Variants in SDK1 observed in about 807,000 individuals in gnomAD.
SDK1 encodes protein sidekick-1.
In SDK1, 157 loss-of-function variants were observed where a neutral mutation model predicts 245.5. The observed-to-expected ratio is 0.64, with a 90% CI of 0.56 to 0.73. The LOEUF (loss-of-function observed/expected upper bound fraction) is 0.73, where lower values mean the gene tolerates loss of function less well. Ranked by LOEUF, SDK1 falls within the 30% of genes least tolerant of loss-of-function variation. The pLI, the probability that SDK1 is intolerant of heterozygous loss-of-function variation, is 0.00. For missense variants in SDK1, 3,583 were observed against 3,002.3 expected (o/e 1.19, Z -4.52); for synonymous variants, 1,647 against 1,278.5 (o/e 1.29, Z -6.15).
chr7:3,969,869 A>G (rs1770777485), intron 11 of SDK1, among the ~76,000 whole-genome samples: 1 of 152,264 alleles, frequency 6.6e-6, no homozygotes, highest in Non-Finnish European at 1.5e-5. Flanking sequence ...GTGAACTGAA[A>G]GAAAATCTTC....
intron 5 of SDK1, among the ~76,000 whole-genome samples, chr7:3,858,132 T>A (rs1318837140): frequency 6.6e-6 from 1 of 152,208 alleles, no homozygotes; most frequent in Non-Finnish European, 1.5e-5. Flanking sequence ...TACAATGGAT[T>A]AGTTAAGGAT....
rs1583884853 is a variant in SDK1 at position 3,456,667 on chromosome 7, T to A, written c.298+154783T>A. 2.0e-5 allele frequency among the ~76,000 whole-genome samples: 3 copies of A among 152,344 alleles called. No individual in the cohort carries two copies. In the South Asian group the frequency reaches 6.2e-4, roughly 32 times the overall value. On this transcript the variant is annotated intron_variant, in intron 1 of 44. Transcript: ENST00000404826. ...TTTGTGATGGCTGCTTTAAAATCCT[T>A]GTCAGATAATTCCAACATATGTCTC... is the stretch of plus-strand genomic sequence containing the variant.
At chr7:3,652,059 T>C (rs1783028831) in intron 4 of SDK1, among the ~76,000 whole-genome samples, 1 of 152,212 alleles carries the variant, frequency 6.6e-6, no homozygotes, top group Non-Finnish European at 1.5e-5. Context: ...AATATTGGCC[T>C]CCGTTTTATG....
rs954405493 is a variant in SDK1 at position 3,505,624 on chromosome 7, A to G, written c.299-113456A>G. 3.3e-5 allele frequency among the ~76,000 whole-genome samples: 5 copies of G among 152,184 alleles called. No individual in the cohort carries two copies. In the East Asian group the frequency reaches 9.6e-4, roughly 29 times the overall value. On this transcript the variant is annotated intron_variant, in intron 1 of 44. Transcript: ENST00000404826. ...AATAGTATATAGTTGGCCCTTGAAAACATGGGTTTGAATTGCATGGGTCCA... is the reference window on the plus strand; with the variant it reads ...AATAGTATATAGTTGGCCCTTGAAAGCATGGGTTTGAATTGCATGGGTCCA...
intron 1 of SDK1, among the ~76,000 whole-genome samples, chr7:3,305,390 G>T (rs1037822024): frequency 4.6e-5 from 7 of 152,070 alleles, no homozygotes; most frequent in Non-Finnish European, 1.0e-4. Flanking sequence ...CAATTTCTCT[G>T]TCATCCTTAG....
chr7:3,508,566 G>T (rs1375442041), intron 1 of SDK1, among the ~76,000 whole-genome samples: 1 of 152,058 alleles, frequency 6.6e-6, no homozygotes, highest in African/African-American at 2.4e-5. Flanking sequence ...GACCTCAAAT[G>T]ATATACCCGC....
intron 1 of SDK1, among the ~76,000 whole-genome samples, chr7:3,554,334 A>C (rs1779516135): frequency 1.3e-5 from 2 of 152,326 alleles, no homozygotes; most frequent in South Asian, 4.1e-4. Context: ...GAAACAACAC[A>C]CTATTAAATA....
At chr7:4,007,345 A>T (rs568895367) in intron 14 of SDK1, among the ~76,000 whole-genome samples, 26 of 152,156 alleles carry the variant, frequency 1.7e-4, no homozygotes, top group African/African-American at 6.0e-4. Flanking sequence ...GGCTGCTTGG[A>T]AAAGAGGGGG....
At position 3,598,369 on chromosome 7, in the gene SDK1, GTGTT is replaced by G. The variant is rs1338970794; in HGVS notation, c.299-20706_299-20703del. Among the ~76,000 whole-genome samples the G allele has an allele frequency of 3.9e-5, 6 of 152,272 alleles. No individual in the cohort carries two copies. The East Asian group carries it at 7.7e-4, about 20-fold the overall frequency. On this transcript the variant is annotated intron_variant, in intron 1 of 44. Transcript: ENST00000404826. ...TGGCTTTCTTATTCAACTCAACAGT[GTGTT>G]TGTTCTAAATTAAGCTTTTTATTTT...
chr7:3,629,306 AAAAAAG>A (rs1782219523), intron 2 of SDK1, among the ~76,000 whole-genome samples: 2 of 88,238 alleles, frequency 2.3e-5, no homozygotes, highest in South Asian at 9.0e-4. Context: ...GTCTCAAAAA[AAAAAAG>A]AAAAAAAAGA....
At chr7:3,738,961 G>GTT (rs201720029) in intron 4 of SDK1, among the ~76,000 whole-genome samples, 6 of 146,672 alleles carry the variant, frequency 4.1e-5, no homozygotes, top group African/African-American at 1.6e-4. Context: ...AATTATTTTT[G>GTT]TTTTTTTGTT....
chr7:4,041,301 T>C (rs1788618294), intron 17 of SDK1, among the ~76,000 whole-genome samples: 2 of 151,826 alleles, frequency 1.3e-5, no homozygotes, highest in East Asian at 1.9e-4. Context: ...TTTTTTTTTT[T>C]TGGAGTACTT....
intron 35 of SDK1, among the ~76,000 whole-genome samples, chr7:4,191,251 G>T (rs987548104): frequency 6.6e-6 from 1 of 151,600 alleles, no homozygotes; most frequent in African/African-American, 2.4e-5. Flanking sequence ...GCCCTCCCCC[G>T]CCGCGGTCAC....
chr7:3,486,021 G>C (rs1267230752), intron 1 of SDK1, among the ~76,000 whole-genome samples: 1 of 151,598 alleles, frequency 6.6e-6, no homozygotes, highest in African/African-American at 2.4e-5. Flanking sequence ...TATAATATTG[G>C]TTTTATCTAT....
At position 3,582,683 on chromosome 7, in the gene SDK1, T is replaced by TAAA. The variant is rs71029682; in HGVS notation, c.299-36373_299-36371dup. Among the ~76,000 whole-genome samples, 436 of 69,682 alleles carry TAAA rather than the reference T, an allele frequency of 6.3e-3. 26 individuals carry two copies. Among genetic ancestry groups the TAAA allele is most frequent in the African/African-American group, 0.018 (314 of 17,700 alleles). 45.7% of individuals were successfully genotyped at this position (69,682 alleles called of 152,430 possible). On this transcript the variant is annotated intron_variant, in intron 1 of 44. Coordinates refer to ENST00000404826, the MANE Select transcript of SDK1 (RefSeq NM_152744.4). ...ATGTAGCCCTGAACCTAAACTAAAG[T>TAAA]AAAAAAAAAAAAAAAAAAAAAAAAA... is the stretch of plus-strand genomic sequence containing the variant.
chr7:3,500,113 T>C (rs1782151330), intron 1 of SDK1, among the ~76,000 whole-genome samples: 1 of 151,632 alleles, frequency 6.6e-6, no homozygotes, highest in African/African-American at 2.4e-5. Context: ...TTAGGGGGGG[T>C]CTGGTGACAG....
At chr7:3,975,451 A>G (rs1782847330) in intron 13 of SDK1, among the ~76,000 whole-genome samples, 1 of 152,188 alleles carries the variant, frequency 6.6e-6, no homozygotes, top group Non-Finnish European at 1.5e-5. Flanking sequence ...GATCCAGGAA[A>G]GATTCTGTAT....
At chr7:3,596,443 A>T (rs1158913331) in intron 1 of SDK1, among the ~76,000 whole-genome samples, 2 of 152,198 alleles carry the variant, frequency 1.3e-5, no homozygotes, top group African/African-American at 2.4e-5. Flanking sequence ...TGTCTGCTCT[A>T]AGGATTTTTA....
In SDK1 at chr7:3,962,664, C is replaced by G. The variant is rs371820284; in HGVS notation, c.1242C>G (p.Pro414=). 2 of 1,608,188 alleles carry G rather than the reference C, an allele frequency of 1.2e-6. No individual in the cohort carries two copies. Among genetic ancestry groups the G allele is most frequent in the African/African-American group, 1.3e-5 (1 of 74,800 alleles). Residue 414 remains proline, a synonymous_variant, in exon 9 of 45, where the codon CCC becomes CCG. Transcript: ENST00000404826. ...VDIGCQAMGV[P]LPTLQWYKDA... ...ATTCCCATTCCTACGCAGGGGTCCC[C>G]CTTCCCACCCTCCAGTGGTACAAGG...
Sources: allele counts gnomAD v4.1 joint callset (sites outside exome capture counted in the v4.1 genomes callset), GRCh38; gene constraint gnomAD v4.1.1; transcripts MANE v1.5; gene names NCBI Gene and HGNC (gene_info 2026-07-23, HGNC 2026-07-21).